CCDC85A: variants seen among roughly 807,000 people sequenced by gnomAD.
CCDC85A encodes the protein coiled-coil domain-containing protein 85A.
Under a neutral mutation model 50.2 loss-of-function variants are expected in CCDC85A, and 38 were observed. The observed-to-expected ratio is 0.76, with a 90% CI of 0.58 to 0.99. The LOEUF (loss-of-function observed/expected upper bound fraction) is 0.99, where lower values mean the gene tolerates loss of function less well. CCDC85A is among the 50% of genes least tolerant of loss of function. The probability of loss-of-function intolerance (pLI) is 0.00; values close to 1 mark genes in which losing one functional copy is unlikely to be tolerated. For missense variants in CCDC85A, 820 were observed against 742.0 expected (o/e 1.11, Z -1.22); for synonymous variants, 366 against 301.4 (o/e 1.21, Z -2.22).
At chr2:56,361,726 A>G (rs1306479066) in intron 3 of CCDC85A, among the ~76,000 whole-genome samples, 1 of 152,218 alleles carries the variant, frequency 6.6e-6, no homozygotes, top group African/African-American at 2.4e-5. Context: ...TTGGAGAAAC[A>G]GGAAGACCCT....
Position 56,192,968 on chromosome 2 carries a change from C to T in CCDC85A, c.768C>T (p.Pro256=), listed in dbSNP as rs374744627. 7.6e-5 allele frequency: 123 copies of T among 1,613,482 alleles called. No individual in the cohort carries two copies. The highest frequency in any genetic ancestry group is 4.7e-4 in the African/African-American group (35 of 74,896). The change falls in exon 2 of 6, where the codon CCC becomes CCT. Residue 256 remains proline (P), a synonymous_variant. Transcript: ENST00000407595. The surrounding 1 kb of genome is among the most constrained non-coding windows in gnomAD (Gnocchi z 4.7). ...ACTCCAAGCACAGGAGCGCCAGCCC[C>T]GAGCATCCACAGAAACCCAGAGCCT... The part of the protein sequence containing the change: ...PEHSKHRSAS[P]EHPQKPRACG...
intron 2 of CCDC85A, among the ~76,000 whole-genome samples, chr2:56,316,159 A>G (rs1272762765): frequency 6.6e-6 from 1 of 152,120 alleles, no homozygotes; most frequent in East Asian, 1.9e-4. Flanking sequence ...GAGATTATAC[A>G]TTTCAAATAC....
At chr2:56,259,385 G>T (rs72923450) in intron 2 of CCDC85A, among the ~76,000 whole-genome samples, 4 of 152,100 alleles carry the variant, frequency 2.6e-5, no homozygotes, top group African/African-American at 9.7e-5. Flanking sequence ...TGGCTTCCCC[G>T]GCACCATATC....
At chr2:56,284,490 A>G (rs996097855) in intron 2 of CCDC85A, among the ~76,000 whole-genome samples, 2 of 152,126 alleles carry the variant, frequency 1.3e-5, no homozygotes, top group Non-Finnish European at 1.5e-5. Context: ...TTCCTGCCTC[A>G]GCCTCCTGAG....
chr2:56,194,614 A>G (rs1676454340), intron 2 of CCDC85A, among the ~76,000 whole-genome samples: 1 of 152,188 alleles, frequency 6.6e-6, no homozygotes, highest in African/African-American at 2.4e-5. Context: ...ATTCCATTTT[A>G]TCCTAATCCT....
At chr2:56,304,553 T>G (rs976268932) in intron 2 of CCDC85A, among the ~76,000 whole-genome samples, 2 of 152,126 alleles carry the variant, frequency 1.3e-5, no homozygotes, top group Non-Finnish European at 2.9e-5. Context: ...AGAAGAACTG[T>G]GGGACGGGAC....
intron 2 of CCDC85A, among the ~76,000 whole-genome samples, chr2:56,205,148 A>G (rs1185109327): frequency 6.6e-6 from 1 of 152,042 alleles, no homozygotes; most frequent in East Asian, 1.9e-4. Flanking sequence ...TCCATTGTAG[A>G]TCTGATTTTC....
At chr2:56,233,393 A>T (rs2103943567) in intron 2 of CCDC85A, among the ~76,000 whole-genome samples, 1 of 152,290 alleles carries the variant, frequency 6.6e-6, no homozygotes, top group South Asian at 2.1e-4. Flanking sequence ...AATACATGCT[A>T]AACATTTGTG....
intron 3 of CCDC85A, among the ~76,000 whole-genome samples, chr2:56,367,160 C>G (rs577204310): frequency 1.3e-5 from 2 of 152,252 alleles, no homozygotes; most frequent in East Asian, 3.9e-4. Flanking sequence ...TTTCTAGGTA[C>G]TGTAGCATAC....
intron 2 of CCDC85A, among the ~76,000 whole-genome samples, chr2:56,298,026 G>T (rs1203600442): frequency 1.3e-5 from 2 of 152,174 alleles, no homozygotes; most frequent in African/African-American, 4.8e-5. Context: ...ACAGACTGCA[G>T]AAGAGATTTA....
intron 2 of CCDC85A, among the ~76,000 whole-genome samples, chr2:56,259,116 G>T (rs1245333271): frequency 6.6e-6 from 1 of 152,210 alleles, no homozygotes; most frequent in Non-Finnish European, 1.5e-5. Context: ...GAGCCGTGCT[G>T]TGCTGACCAG....
intron 2 of CCDC85A, among the ~76,000 whole-genome samples, chr2:56,250,912 C>G (rs1336813081): frequency 1.3e-5 from 2 of 152,084 alleles, no homozygotes; most frequent in Admixed American, 6.6e-5. Flanking sequence ...ATTCCCAGTA[C>G]CCCTCTCTGA....
At chr2:56,312,274 A>G (rs901379182) in intron 2 of CCDC85A, among the ~76,000 whole-genome samples, 1 of 152,116 alleles carries the variant, frequency 6.6e-6, no homozygotes, top group African/African-American at 2.4e-5. Context: ...CTCTAAATTT[A>G]TGAGGAGAAA....
At chr2:56,274,235 A>G (rs1670826834) in intron 2 of CCDC85A, among the ~76,000 whole-genome samples, 1 of 152,154 alleles carries the variant, frequency 6.6e-6, no homozygotes. Context: ...TAACCTGTGT[A>G]TTAGGGTTCT....
intron 2 of CCDC85A, among the ~76,000 whole-genome samples, chr2:56,316,832 C>CT (rs781176483): frequency 3.6e-4 from 55 of 152,196 alleles, no homozygotes; most frequent in Middle Eastern, 3.4e-3. Context: ...CAAAATGTCA[C>CT]TTTTTTATGG....
chr2:56,245,158 C>A (rs528536300), intron 2 of CCDC85A, among the ~76,000 whole-genome samples: 33 of 152,310 alleles, frequency 2.2e-4, no homozygotes, highest in African/African-American at 7.7e-4. Context: ...AGTTGCAGTC[C>A]TTGTGGTTTA....
chr2:56,333,808 C>A (rs1673941657), intron 2 of CCDC85A, among the ~76,000 whole-genome samples: 2 of 152,112 alleles, frequency 1.3e-5, no homozygotes, highest in Admixed American at 6.5e-5. Flanking sequence ...AAGCATAATA[C>A]TTGAAGAGTC....
intron 2 of CCDC85A, among the ~76,000 whole-genome samples, chr2:56,340,505 C>G (rs1029428383): frequency 3.3e-5 from 5 of 152,068 alleles, no homozygotes; most frequent in Non-Finnish European, 5.9e-5. Flanking sequence ...CAGTTCTTGC[C>G]CCTAATTCGA....
At chr2:56,223,512 T>G (rs934635077) in intron 2 of CCDC85A, among the ~76,000 whole-genome samples, 1 of 152,174 alleles carries the variant, frequency 6.6e-6, no homozygotes, top group South Asian at 2.1e-4. Flanking sequence ...TAATTCTATC[T>G]CACTTTCATC....
Sources: allele counts gnomAD v4.1 joint callset (sites outside exome capture counted in the v4.1 genomes callset), GRCh38; gene constraint gnomAD v4.1.1; non-coding constraint Gnocchi (gnomAD v3.1); transcripts MANE v1.5; gene names NCBI Gene and HGNC (gene_info 2026-07-23, HGNC 2026-07-21).